Variants in LCOR observed in about 807,000 individuals in gnomAD.
LCOR encodes ligand dependent nuclear receptor corepressor.
A neutral mutation model predicts 64.4 loss-of-function variants in LCOR; 14 were observed. That is an observed-to-expected ratio of 0.22 (90% CI 0.14 to 0.34). The LOEUF is 0.34. LCOR is among the 10% of genes least tolerant of loss of function. The pLI is 1.00. For synonymous variants in LCOR, 643 were observed against 642.5 expected, an observed-to-expected ratio of 1.00 and a Z score of -0.01; for missense variants, 1,686 against 1,765.3, an observed-to-expected ratio of 0.96 and a Z score of 0.80.
In LCOR at chr10:96,978,854, T is replaced by C. The variant is rs555806661; in HGVS notation, c.333-1939T>C. ...TGAAATTGTCTGAGCACCTGCCCTT[T>C]TGTGCTTTGTGCTTTATGTTTTATG... is the stretch of plus-strand genomic sequence containing the variant. On this transcript the variant is annotated intron_variant, in intron 7 of 7. Transcript: ENST00000421806. 2.6e-5 allele frequency among the ~76,000 whole-genome samples: 4 copies of C among 152,362 alleles called. No individual in the cohort carries two copies. In the South Asian group the frequency reaches 6.2e-4, roughly 24 times the overall value.
In LCOR at chr10:96,943,316, C is replaced by T. The variant is rs540861541; in HGVS notation, c.-183-797C>T. On this transcript the variant is annotated intron_variant, in intron 4 of 7. Transcript: ENST00000421806. ...TCACCATTGTTGGCCAGGCTGGTCT[C>T]GAACTCCTCACCTCAAGTGATCCGC... 3.7e-4 allele frequency among the ~76,000 whole-genome samples: 56 copies of T among 152,260 alleles called. 1 individual carries two copies. Among genetic ancestry groups the T allele is most frequent in the African/African-American group, 1.2e-3 (49 of 41,546 alleles).
intron 4 of LCOR, among the ~76,000 whole-genome samples, chr10:96,938,989 T>C (rs1248635498): frequency 4.6e-5 from 7 of 152,238 alleles, no homozygotes; most frequent in Non-Finnish European, 1.0e-4. Context: ...CTGACTTATT[T>C]GCAGAGATTC....
chr10:96,833,172 G>T, intron 1 of LCOR: 2 of 985,430 alleles, frequency 2.0e-6, no homozygotes, highest in Non-Finnish European at 2.4e-6. Context: ...GGTGGGACCG[G>T]GTCCGACCGA....
chr10:96,900,965 G>C (rs548117856), intron 2 of LCOR, among the ~76,000 whole-genome samples: 2 of 151,218 alleles, frequency 1.3e-5, no homozygotes, highest in Non-Finnish European at 2.9e-5. Flanking sequence ...CAAGGCGGGC[G>C]GATCACGAGT....
At chr10:96,968,384 G>A (rs189272895) in intron 7 of LCOR, among the ~76,000 whole-genome samples, 10 of 152,306 alleles carry the variant, frequency 6.6e-5, no homozygotes, top group African/African-American at 1.4e-4. Flanking sequence ...ATAATTTTCC[G>A]TTAGATTCAG....
At chr10:96,864,510 C>CT (rs1368200416) in intron 2 of LCOR, among the ~76,000 whole-genome samples, 1 of 152,202 alleles carries the variant, frequency 6.6e-6, no homozygotes, top group Non-Finnish European at 1.5e-5. Flanking sequence ...AAAGCAGACT[C>CT]TGTTCCTGCT....
At chr10:96,870,295 G>A (rs1846051353) in intron 2 of LCOR, among the ~76,000 whole-genome samples, 2 of 152,192 alleles carry the variant, frequency 1.3e-5, no homozygotes, top group South Asian at 4.1e-4. Context: ...ACAGGCGTGA[G>A]CCACCGCACC....
intron 2 of LCOR, among the ~76,000 whole-genome samples, chr10:96,903,203 C>A (rs1846671542): frequency 6.6e-6 from 1 of 152,066 alleles, no homozygotes; most frequent in South Asian, 2.1e-4. Context: ...AACAAGAAGG[C>A]CTAGAATGTT....
chr10:96,935,892 A>G (rs926459015), intron 4 of LCOR, among the ~76,000 whole-genome samples: 1 of 152,224 alleles, frequency 6.6e-6, no homozygotes, highest in African/African-American at 2.4e-5. Context: ...TGGCTTAGAA[A>G]ATCTCACACC....
chr10:96,862,130 T>C (rs2134393455), intron 2 of LCOR, among the ~76,000 whole-genome samples: 1 of 152,284 alleles, frequency 6.6e-6, no homozygotes, highest in East Asian at 1.9e-4. Flanking sequence ...GGGCAAGGCA[T>C]GGAGGAAGGG....
At chr10:96,974,854 T>C (rs925123377) in intron 7 of LCOR, among the ~76,000 whole-genome samples, 1 of 152,200 alleles carries the variant, frequency 6.6e-6, no homozygotes, top group African/African-American at 2.4e-5. Context: ...ATTCAAATGA[T>C]AAAGTGAAAT....
rs750050784 is a variant in LCOR, at chr10:96,983,687, C to T, written c.3227C>T (p.Ala1076Val). 2.5e-6 allele frequency: 4 copies of T among 1,614,104 alleles called. No individual in the cohort carries two copies. In the East Asian group the frequency reaches 6.7e-5, roughly 27 times the overall value. The change falls in exon 8 of 8, where the codon GCT becomes GTT. Residue 1076 changes from alanine to valine, a missense_variant. By Grantham distance (64) the Ala-to-Val change is moderately conservative. Coordinates refer to ENST00000421806, the MANE Select transcript of LCOR (RefSeq NM_001346516.2). The surrounding 1 kb of genome is among the most constrained non-coding windows in gnomAD (Gnocchi z 4.5). ...VNPIMPKENG[A>V]SESGDPLDED... ...CCCATAATGCCAAAGGAAAATGGAG[C>T]TTCAGAGAGTGGAGACCCCCTAGAT...
At chr10:96,925,905 C>T (rs1048115872) in intron 4 of LCOR, among the ~76,000 whole-genome samples, 2 of 152,166 alleles carry the variant, frequency 1.3e-5, no homozygotes, top group African/African-American at 4.8e-5. Flanking sequence ...AGACCTGTCC[C>T]TTTCCTGTAT....
At chr10:96,845,298 C>T (rs550334503) in intron 2 of LCOR, among the ~76,000 whole-genome samples, 4 of 151,712 alleles carry the variant, frequency 2.6e-5, no homozygotes, top group Non-Finnish European at 4.4e-5. Flanking sequence ...AGGGGAACGT[C>T]GGTGTTTATG....
intron 2 of LCOR, among the ~76,000 whole-genome samples, chr10:96,854,069 A>AG (rs1304166811): frequency 6.6e-6 from 1 of 152,202 alleles, no homozygotes; most frequent in East Asian, 1.9e-4. Context: ...CATAGAGCCA[A>AG]GCCATATCAC....
chr10:96,878,160 A>C (rs897978526), intron 2 of LCOR, among the ~76,000 whole-genome samples: 41 of 152,338 alleles, frequency 2.7e-4, no homozygotes, highest in African/African-American at 9.6e-4. Context: ...CATTGTGACA[A>C]CTTCCACTTT....
At chr10:96,867,978 G>A (rs139180903) in intron 2 of LCOR, among the ~76,000 whole-genome samples, 4,216 of 151,198 alleles carry the variant, frequency 0.028, 199 homozygotes, top group African/African-American at 0.097. Flanking sequence ...TCCGCCTCCC[G>A]GGTTCAGGCG....
intron 4 of LCOR, among the ~76,000 whole-genome samples, chr10:96,935,675 A>G (rs1847338555): frequency 6.6e-6 from 1 of 152,132 alleles, no homozygotes; most frequent in South Asian, 2.1e-4. Flanking sequence ...TCTACAAAAT[A>G]TTTTAAAAAT....
At chr10:96,908,950 T>A (rs1482713397) in intron 4 of LCOR, among the ~76,000 whole-genome samples, 1 of 151,830 alleles carries the variant, frequency 6.6e-6, no homozygotes, top group Non-Finnish European at 1.5e-5. Context: ...CTCCTGACCT[T>A]GTGATCCGCC....
Sources: allele counts gnomAD v4.1 joint callset (sites outside exome capture counted in the v4.1 genomes callset), GRCh38; gene constraint gnomAD v4.1.1; non-coding constraint Gnocchi (gnomAD v3.1); transcripts MANE v1.5; gene names NCBI Gene and HGNC (gene_info 2026-07-23, HGNC 2026-07-21).